PDCL2: variants seen among roughly 807,000 people sequenced by gnomAD.
PDCL2 encodes phosducin-like protein 2.
Under a neutral mutation model 30.3 loss-of-function variants are expected in PDCL2, and 23 were observed. That is an observed-to-expected ratio of 0.76 (90% CI 0.55 to 1.08). The LOEUF (loss-of-function observed/expected upper bound fraction) is 1.08. PDCL2 is among the 50% of genes least tolerant of loss of function. The pLI, the probability that PDCL2 is intolerant of heterozygous loss-of-function variation, is 0.00. For missense variants in PDCL2, 243 were observed against 282.3 expected, an observed-to-expected ratio of 0.86 and a Z score of 1.00; for synonymous variants, 68 against 86.2, an observed-to-expected ratio of 0.79 and a Z score of 1.17.
chr4:55,575,671 A>G (rs557268191), intron 3 of PDCL2, among the ~76,000 whole-genome samples: 9 of 152,342 alleles, frequency 5.9e-5, no homozygotes, highest in African/African-American at 2.2e-4. Context: ...TCTTGAAAGC[A>G]GAGAGAAGCA....
At chr4:55,587,459 T>C (rs1732893401) in intron 1 of PDCL2, among the ~76,000 whole-genome samples, 2 of 152,100 alleles carry the variant, frequency 1.3e-5, no homozygotes, top group Non-Finnish European at 2.9e-5. Flanking sequence ...TGTTGAGTTT[T>C]AGGAAGTCTT....
chr4:55,582,673 T>C (rs939048279), intron 1 of PDCL2, among the ~76,000 whole-genome samples: 2 of 152,160 alleles, frequency 1.3e-5, no homozygotes, highest in Non-Finnish European at 2.9e-5. Context: ...TTGTTACATA[T>C]GCATACATGT....
At chr4:55,576,539 GT>G (rs1173797647) in intron 3 of PDCL2, among the ~76,000 whole-genome samples, 1 of 152,222 alleles carries the variant, frequency 6.6e-6, no homozygotes, top group African/African-American at 2.4e-5. Context: ...ATGGAGATGT[GT>G]TTACATGCTA....
chr4:55,559,470 A>T (rs529651944), intron 5 of PDCL2, among the ~76,000 whole-genome samples: 1 of 152,352 alleles, frequency 6.6e-6, no homozygotes, highest in African/African-American at 2.4e-5. Context: ...TGAGATTTTT[A>T]AAAAAGCAAG....
rs1460308819 is a variant in PDCL2, at chr4:55,569,794, A to C, written c.286T>G (p.Ser96Ala). ...KQKFGELREI[S>A]GNQYVNEVTN... ...ACTTCATTCACATACTGATTTCCAG[A>C]AATTTCTCTTAATTCTCCAAATTTT... is the stretch of plus-strand genomic sequence containing the variant. The change falls in exon 4 of 6, where the codon TCT (serine) becomes GCT (alanine). Residue 96 changes from serine (S) to alanine (A), a missense_variant. By Grantham distance (99) the Ser-to-Ala change is moderately conservative (BLOSUM62 1). Transcript: ENST00000295645. The C allele has an allele frequency of 1.3e-6, 2 of 1,564,396 alleles. No individual in the cohort carries two copies. The highest frequency in any genetic ancestry group is 1.7e-6 in the Non-Finnish European group (2 of 1,153,464).
chr4:55,586,851 A>G (rs1193041085), intron 1 of PDCL2, among the ~76,000 whole-genome samples: 1 of 152,100 alleles, frequency 6.6e-6, no homozygotes, highest in Non-Finnish European at 1.5e-5. Flanking sequence ...CATCTTTTCT[A>G]TCATAAACAT....
chr4:55,581,929 G>T (rs544795661), intron 2 of PDCL2, among the ~76,000 whole-genome samples, 188 bp downstream of exon 2: 1 of 152,076 alleles, frequency 6.6e-6, no homozygotes. Context: ...GGATGGTCTC[G>T]ATCTCCTGAC....
At chr4:55,591,328 A>G (rs1732993732) in intron 1 of PDCL2, among the ~76,000 whole-genome samples, 1 of 151,936 alleles carries the variant, frequency 6.6e-6, no homozygotes, top group South Asian at 2.1e-4. Flanking sequence ...TCTGATTAAT[A>G]AGGAACCATT....
intron 3 of PDCL2, among the ~76,000 whole-genome samples, chr4:55,573,676 A>C (rs1478445080): frequency 6.6e-6 from 1 of 152,020 alleles, no homozygotes; most frequent in Admixed American, 6.6e-5. Flanking sequence ...ACTTGAGCCC[A>C]GGAGACAGAG....
chr4:55,563,125 C>T (rs1218883072), intron 4 of PDCL2, among the ~76,000 whole-genome samples: 2 of 152,198 alleles, frequency 1.3e-5, no homozygotes, highest in African/African-American at 2.4e-5. Flanking sequence ...CAGAACTATT[C>T]CTTACCAGAA....
chr4:55,572,078 T>C (rs1340850320), intron 3 of PDCL2, among the ~76,000 whole-genome samples: 3 of 64,252 alleles, frequency 4.7e-5, no homozygotes, highest in African/African-American at 1.7e-4. Flanking sequence ...CACTTCTTCC[T>C]CCTTCTCATT....
intron 3 of PDCL2, among the ~76,000 whole-genome samples, chr4:55,571,446 G>A (rs1732419487): frequency 6.6e-6 from 1 of 151,054 alleles, no homozygotes; most frequent in African/African-American, 2.4e-5. Flanking sequence ...CCAGCACTTT[G>A]GGAGGCCGAG....
In PDCL2 at chr4:55,586,418, G is replaced by A. The variant is rs373157094; in HGVS notation, c.7-4181C>T. On this transcript the variant is annotated intron_variant, in intron 1 of 5. Transcript: ENST00000295645. ...TTGACTATTCTGTGTACTTCATGCA[G>A]GTGGAACCATACAATAGTTGTCCTT... 8.5e-5 allele frequency among the ~76,000 whole-genome samples: 13 copies of A among 152,306 alleles called. 1 individual carries two copies. The highest frequency in any genetic ancestry group is 3.1e-4 in the African/African-American group (13 of 41,568).
intron 1 of PDCL2, among the ~76,000 whole-genome samples, chr4:55,586,486 C>A (rs1239696756): frequency 2.0e-5 from 3 of 152,178 alleles, no homozygotes; most frequent in Admixed American, 6.5e-5. Flanking sequence ...CAAGGTTCGA[C>A]TATGTTGTAG....
At chr4:55,591,637 G>A (rs563237432) in intron 1 of PDCL2, among the ~76,000 whole-genome samples, 6 of 152,096 alleles carry the variant, frequency 3.9e-5, no homozygotes, top group South Asian at 2.1e-4. Flanking sequence ...GCCCGCCTCC[G>A]CCTCCCAAAA....
chr4:55,570,790 G>A (rs1375666031), intron 3 of PDCL2, among the ~76,000 whole-genome samples: 7 of 152,100 alleles, frequency 4.6e-5, no homozygotes, highest in Non-Finnish European at 8.8e-5. Flanking sequence ...AATCTAAATG[G>A]TTTCTGACTG....
chr4:55,591,412 C>T (rs962153573), intron 1 of PDCL2, among the ~76,000 whole-genome samples: 13 of 148,742 alleles, frequency 8.7e-5, no homozygotes, highest in Non-Finnish European at 3.0e-5. Context: ...TGTTCTGAGG[C>T]GCAGTCTCAC....
chr4:55,575,076 G>A (rs1368163449), intron 3 of PDCL2, among the ~76,000 whole-genome samples: 3 of 152,132 alleles, frequency 2.0e-5, no homozygotes, highest in Admixed American at 1.3e-4. Context: ...AACCACCTTA[G>A]TGTGTTTGAA....
intron 5 of PDCL2, among the ~76,000 whole-genome samples, chr4:55,561,941 A>G (rs918913880): frequency 2.0e-5 from 3 of 152,210 alleles, no homozygotes; most frequent in African/African-American, 4.8e-5. Flanking sequence ...GAATTGGTCC[A>G]ATATTACATA....
Sources: allele counts gnomAD v4.1 joint callset (sites outside exome capture counted in the v4.1 genomes callset), GRCh38; gene constraint gnomAD v4.1.1; transcripts MANE v1.5; gene names NCBI Gene and HGNC (gene_info 2026-07-23, HGNC 2026-07-21).